The following CSMD2 variants were observed in gnomAD, a reference collection of about 807,000 sequenced individuals.
CSMD2 encodes the protein CUB and Sushi multiple domains 2.
A neutral mutation model predicts 398.5 loss-of-function variants in CSMD2; 130 were observed. The observed-to-expected ratio is 0.33, with a 90% confidence interval of 0.28 to 0.38. The LOEUF (loss-of-function observed/expected upper bound fraction) is 0.38, where lower values mean the gene tolerates loss of function less well. Among genes scored for constraint, CSMD2 ranks in the 10% least tolerant of loss-of-function variants. CSMD2 has a pLI of 1.00. For missense variants in CSMD2, 3,829 were observed against 4,764.9 expected (o/e 0.80, Z 5.78); for synonymous variants, 1,828 against 1,908.5 (o/e 0.96, Z 1.10).
chr1:33,882,705 G>C (rs763888455), intron 5 of CSMD2, among the ~76,000 whole-genome samples: 7 of 152,170 alleles, frequency 4.6e-5, no homozygotes, highest in Non-Finnish European at 8.8e-5. Flanking sequence ...TGCTTTCTCA[G>C]TTGTTTCCTA....
Position 33,586,613 on chromosome 1 carries a change from G to A in CSMD2, c.6942C>T (p.Asp2314=). 6.2e-7 allele frequency: 1 copy of A among 1,607,320 alleles called. No homozygotes were observed. The highest frequency in any genetic ancestry group is 1.3e-5 in the African/African-American group (1 of 74,892). Reference sequence around the variant, plus strand: ...CAGGGAGGCATCTGTAGCGTACGATGTCACCTGTCAAAGAAAGACCAACAT... The same window carrying A: ...CAGGGAGGCATCTGTAGCGTACGATATCACCTGTCAAAGAAAGACCAACAT... ...VTENEEFNIG[D]IVRYRCLPGF... The change falls in exon 46 of 71, where the codon GAC becomes GAT. Residue 2314 remains aspartate, a synonymous_variant. Coordinates refer to ENST00000373381, the MANE Select transcript of CSMD2 (RefSeq NM_001281956.2).
At chr1:33,956,580 T>C (rs1645176653) in intron 3 of CSMD2, among the ~76,000 whole-genome samples, 1 of 152,130 alleles carries the variant, frequency 6.6e-6, no homozygotes. Context: ...CTATCTACCC[T>C]CTTGCTCAGA....
chr1:33,772,642 A>C lies in CSMD2; in HGVS notation c.1773T>G (p.Phe591Leu). Residue 591 changes from phenylalanine to leucine, a missense_variant, in exon 13 of 71, where the codon TTT becomes TTG. Phe to Leu is a conservative substitution (Grantham distance 22). Transcript: ENST00000373381. ...TGATTGCCTTCTGTCCCACCAGCTC[A>C]AAGGCGGGCTGGCACTCAAACTTGA... ...DTLKFECQPA[F>L]ELVGQKAITC... The C allele has an allele frequency of 6.2e-7, 1 of 1,614,124 alleles. No homozygotes were observed. Among genetic ancestry groups the C allele is most frequent in the Non-Finnish European group, 8.5e-7 (1 of 1,180,002 alleles).
chr1:33,938,313 C>T (rs1214271771), intron 3 of CSMD2, among the ~76,000 whole-genome samples: 2 of 151,804 alleles, frequency 1.3e-5, no homozygotes, highest in East Asian at 1.9e-4. Context: ...TTATCATATT[C>T]CCCTGCTGCT....
At chr1:34,078,227 C>T (rs1449529276) in intron 2 of CSMD2, among the ~76,000 whole-genome samples, 1 of 151,748 alleles carries the variant, frequency 6.6e-6, no homozygotes, top group Non-Finnish European at 1.5e-5. Context: ...TCTGGCCCCA[C>T]TGTCTGTGTG....
At chr1:34,146,232 C>T (rs968751356) in intron 1 of CSMD2, among the ~76,000 whole-genome samples, 14 of 152,148 alleles carry the variant, frequency 9.2e-5, no homozygotes, top group African/African-American at 1.7e-4. Context: ...ATCAGGCACA[C>T]GCCTGGCTAT....
intron 1 of CSMD2, among the ~76,000 whole-genome samples, chr1:34,137,855 C>T (rs72886097): frequency 0.03 from 4,519 of 152,290 alleles, 199 homozygotes; most frequent in African/African-American, 0.1. Flanking sequence ...GGAGAAACTG[C>T]GTTCACAGAG....
intron 1 of CSMD2, among the ~76,000 whole-genome samples, chr1:34,161,058 A>G (rs1360667363): frequency 2.0e-5 from 3 of 152,194 alleles, no homozygotes; most frequent in Non-Finnish European, 2.9e-5. Flanking sequence ...TTCGAGAATA[A>G]TTGAGGATAT....
intron 13 of CSMD2, among the ~76,000 whole-genome samples, chr1:33,759,591 C>T (rs956774300): frequency 6.6e-6 from 1 of 151,988 alleles, no homozygotes; most frequent in African/African-American, 2.4e-5. Context: ...TCCCAAAGTG[C>T]TGGGATTACA....
chr1:34,133,906 T>C (rs1373741282), intron 1 of CSMD2, among the ~76,000 whole-genome samples: 2 of 151,652 alleles, frequency 1.3e-5, no homozygotes, highest in South Asian at 2.1e-4. Context: ...CCGTCTCTAC[T>C]AAAAATACAA....
chr1:33,956,135 C>G (rs1201420218), intron 3 of CSMD2, among the ~76,000 whole-genome samples: 1 of 151,750 alleles, frequency 6.6e-6, no homozygotes, highest in Non-Finnish European at 1.5e-5. Context: ...AGCATCTTAA[C>G]CATTTTTAAG....
rs201935670 is a variant in CSMD2 at position 33,583,621 on chromosome 1, T to C, written c.7240+21A>G. 2,091 of 1,609,796 alleles carry C rather than the reference T, an allele frequency of 1.3e-3. 15 individuals carry two copies. The highest frequency in any genetic ancestry group is 0.011 in the Middle Eastern group (64 of 6,046). On this transcript the variant is annotated intron_variant, in intron 47 of 70. Transcript: ENST00000373381. Reference sequence around the variant, plus strand: ...CCATGTCTTCTGCAGCAGAGAACTGTGAGGCATTTGACTGACTTACCATCA... The same window carrying C: ...CCATGTCTTCTGCAGCAGAGAACTGCGAGGCATTTGACTGACTTACCATCA...
chr1:34,109,662 A>AG (rs1660851102), intron 1 of CSMD2, among the ~76,000 whole-genome samples: 1 of 152,142 alleles, frequency 6.6e-6, no homozygotes, highest in Admixed American at 6.6e-5. Flanking sequence ...AGCATCTGTA[A>AG]GGAACTTAAA....
At chr1:33,650,451 G>C (rs1201200658) in intron 28 of CSMD2, among the ~76,000 whole-genome samples, 1 of 151,956 alleles carries the variant, frequency 6.6e-6, no homozygotes, top group Non-Finnish European at 1.5e-5. Flanking sequence ...TGCTGTGAAG[G>C]CAGAAACAGA....
intron 55 of CSMD2, among the ~76,000 whole-genome samples, chr1:33,553,631 G>A (rs1041065969): frequency 3.9e-5 from 6 of 152,148 alleles, no homozygotes; most frequent in African/African-American, 9.7e-5. Flanking sequence ...AAGGCATGTC[G>A]GAAGCTGAGA....
chr1:33,984,928 GT>G (rs1397378881), intron 3 of CSMD2, among the ~76,000 whole-genome samples: 5 of 152,244 alleles, frequency 3.3e-5, no homozygotes, highest in Admixed American at 1.3e-4. Flanking sequence ...CAGAACCCCA[GT>G]GTATAAAAGA....
At chr1:33,551,091 T>C (rs1313837508) in intron 55 of CSMD2, among the ~76,000 whole-genome samples, 1 of 152,186 alleles carries the variant, frequency 6.6e-6, no homozygotes, top group Non-Finnish European at 1.5e-5. Flanking sequence ...ACTTGAATGA[T>C]GTGAAGAGGC....
intron 1 of CSMD2, among the ~76,000 whole-genome samples, chr1:34,118,540 A>G (rs1661835585): frequency 6.6e-6 from 1 of 152,218 alleles, no homozygotes; most frequent in African/African-American, 2.4e-5. Flanking sequence ...AGAACTAATA[A>G]ACAATTTCAG....
intron 5 of CSMD2, among the ~76,000 whole-genome samples, chr1:33,894,086 G>T (rs2125216488): frequency 6.6e-6 from 1 of 152,246 alleles, no homozygotes; most frequent in Non-Finnish European, 1.5e-5. Context: ...GTGCCTGCTT[G>T]CTAGGACCAC....
Sources: gnomAD v4.1 joint callset for allele counts (sites outside exome capture counted in the v4.1 genomes callset) on GRCh38, gnomAD v4.1.1 for gene constraint, MANE v1.5 for transcripts, NCBI Gene and HGNC (gene_info 2026-07-23, HGNC 2026-07-21) for gene names.